The following DIS3L2 variants were observed in gnomAD, a reference collection of about 807,000 sequenced individuals.
DIS3L2 encodes the protein DIS3-like exonuclease 2.
DIS3L2 carries 34 observed loss-of-function variants against 97.5 expected under a neutral mutation model. The observed-to-expected ratio is 0.35, with a 90% CI of 0.27 to 0.46. The LOEUF (loss-of-function observed/expected upper bound fraction) is 0.46, where lower values mean the gene tolerates loss of function less well. Ranked by LOEUF, DIS3L2 falls within the 20% of genes least tolerant of loss-of-function variation. The probability of loss-of-function intolerance (pLI) is 1.00; values close to 1 mark genes in which losing one functional copy is unlikely to be tolerated. For synonymous variants in DIS3L2, 435 were observed against 445.2 expected (o/e 0.98, Z 0.29); for missense variants, 1,038 against 1,146.0 (o/e 0.91, Z 1.36).
chr2:232,075,491 C>T (rs1001840319), intron 5 of DIS3L2, among the ~76,000 whole-genome samples: 1 of 152,188 alleles, frequency 6.6e-6, no homozygotes, highest in Non-Finnish European at 1.5e-5. Context: ...CTCAGGTTCT[C>T]TTTTCAGTAG....
chr2:232,072,424 C>T (rs1696046431), intron 5 of DIS3L2, among the ~76,000 whole-genome samples: 1 of 152,040 alleles, frequency 6.6e-6, no homozygotes, highest in African/African-American at 2.4e-5. Context: ...GCAGTGCGTT[C>T]CTAGTGTGCT....
intron 5 of DIS3L2, among the ~76,000 whole-genome samples, chr2:232,073,191 A>C (rs1177397273): frequency 6.6e-6 from 1 of 152,102 alleles, no homozygotes; most frequent in African/African-American, 2.4e-5. Flanking sequence ...CGAGTGTGCC[A>C]TTAAGGGATT....
intron 5 of DIS3L2, among the ~76,000 whole-genome samples, chr2:232,084,565 C>T (rs769473483): frequency 6.6e-6 from 1 of 152,132 alleles, no homozygotes; most frequent in African/African-American, 2.4e-5. Flanking sequence ...AGGAAGGGCC[C>T]TGCGGGAATC....
chr2:232,210,747 G>A (rs938412843), intron 10 of DIS3L2, among the ~76,000 whole-genome samples: 2 of 151,974 alleles, frequency 1.3e-5, no homozygotes, highest in African/African-American at 2.4e-5. Flanking sequence ...GCTTGTAAGG[G>A]CTCTGCTTGG....
intron 6 of DIS3L2, among the ~76,000 whole-genome samples, chr2:232,118,895 C>T (rs1214676046): frequency 1.3e-5 from 2 of 152,120 alleles, no homozygotes; most frequent in African/African-American, 4.8e-5. Flanking sequence ...TTCCTAGGGG[C>T]CTTCGTGGAT....
At chr2:232,233,448 G>T (rs1467225124) in intron 10 of DIS3L2, among the ~76,000 whole-genome samples, 1 of 152,180 alleles carries the variant, frequency 6.6e-6, no homozygotes, top group African/African-American at 2.4e-5. Flanking sequence ...ACCTCCCAGA[G>T]GTCTGCCTCC....
At chr2:232,014,110 G>T (rs1407593381) in intron 1 of DIS3L2, among the ~76,000 whole-genome samples, 9 of 152,238 alleles carry the variant, frequency 5.9e-5, no homozygotes, top group African/African-American at 2.2e-4. Flanking sequence ...GACATGTTCA[G>T]CATCCAGGTG....
At chr2:232,124,604 G>C (rs1376205254) in intron 6 of DIS3L2, among the ~76,000 whole-genome samples, 11 of 152,194 alleles carry the variant, frequency 7.2e-5, no homozygotes, top group Non-Finnish European at 1.3e-4. Context: ...AACAGAGTGA[G>C]AAGGTTTAAA....
downstream of DIS3L2, among the ~76,000 whole-genome samples, chr2:232,341,264 C>A (rs1363468995): frequency 6.6e-6 from 1 of 152,222 alleles, no homozygotes; most frequent in Non-Finnish European, 1.5e-5. Flanking sequence ...GGTGAGGGAG[C>A]AGCTCAGCCC....
At chr2:232,148,550 A>G (rs1690291643) in intron 8 of DIS3L2, among the ~76,000 whole-genome samples, 1 of 152,182 alleles carries the variant, frequency 6.6e-6, no homozygotes, top group African/African-American at 2.4e-5. Flanking sequence ...GTTAATTACT[A>G]CTAATAGGAA....
At chr2:232,070,034 G>A (rs945186631) in intron 5 of DIS3L2, among the ~76,000 whole-genome samples, 2 of 152,192 alleles carry the variant, frequency 1.3e-5, no homozygotes, top group Non-Finnish European at 2.9e-5. Context: ...TCAAAATACA[G>A]TAAAGAGTAT....
At chr2:232,294,740 G>A (rs1694683120) in intron 13 of DIS3L2, among the ~76,000 whole-genome samples, 2 of 152,154 alleles carry the variant, frequency 1.3e-5, no homozygotes, top group African/African-American at 2.4e-5. Context: ...TACTTCAGCT[G>A]TGCCACTTAC....
At chr2:231,975,981 G>GACATACACAC (rs1693079213) in intron 1 of DIS3L2, among the ~76,000 whole-genome samples, 1 of 150,896 alleles carries the variant, frequency 6.6e-6, no homozygotes, top group Admixed American at 6.6e-5. Context: ...TTCTCTCTTA[G>GACATACACAC]ACATACACAC....
At chr2:232,001,203 CT>C (rs1693891717) in intron 1 of DIS3L2, among the ~76,000 whole-genome samples, 1 of 152,156 alleles carries the variant, frequency 6.6e-6, no homozygotes, top group South Asian at 2.1e-4. Context: ...GCTCCACATC[CT>C]TGCTAACACT....
chr2:232,336,707 G>T lies in DIS3L2; in HGVS notation c.*77G>T, dbSNP rs77517611. ...GGCTTTAGGACCTGTTGACACGGAG[G>T]GGGGTTTTTAATTTGGTTTTTAACA... On this transcript the variant is annotated 3_prime_UTR_variant, in exon 21 of 21. Coordinates refer to ENST00000325385, the MANE Select transcript of DIS3L2 (RefSeq NM_152383.5). The T allele has an allele frequency of 8.6e-4, 1,312 of 1,520,412 alleles. 14 individuals are homozygous for T. In the African/African-American group the frequency reaches 0.017, roughly 19 times the overall value. 94.2% of individuals were successfully genotyped at this position (1,520,412 alleles called of 1,614,324 possible).
chr2:232,240,291 T>C (rs1693045608), intron 11 of DIS3L2, among the ~76,000 whole-genome samples: 1 of 152,210 alleles, frequency 6.6e-6, no homozygotes, highest in African/African-American at 2.4e-5. Flanking sequence ...TCTTCAGAAG[T>C]ACAGCTTTGC....
chr2:231,966,003 T>G (rs1011578205), intron 1 of DIS3L2, among the ~76,000 whole-genome samples: 1 of 152,132 alleles, frequency 6.6e-6, no homozygotes, highest in Admixed American at 6.5e-5. Flanking sequence ...ATTTTATCCT[T>G]CAAAAAGTTT....
At chr2:232,246,201 CAG>C (rs1403980341) in intron 11 of DIS3L2, among the ~76,000 whole-genome samples, 4 of 152,216 alleles carry the variant, frequency 2.6e-5, no homozygotes, top group Non-Finnish European at 5.9e-5. Context: ...TTTGAAAGAA[CAG>C]GGGAGGTGTG....
At chr2:232,236,075 C>T (rs183246583) in intron 10 of DIS3L2, among the ~76,000 whole-genome samples, 5 of 152,226 alleles carry the variant, frequency 3.3e-5, no homozygotes, top group South Asian at 2.1e-4. Context: ...CAGGATTGGG[C>T]GGAAAAACCT....
Sources: gnomAD v4.1 joint callset for allele counts (sites outside exome capture counted in the v4.1 genomes callset) on GRCh38, gnomAD v4.1.1 for gene constraint, MANE v1.5 for transcripts, NCBI Gene and HGNC (gene_info 2026-07-23, HGNC 2026-07-21) for gene names.